Variants in FPR1 observed in about 807,000 individuals in gnomAD.
FPR1 encodes N-formyl peptide receptor 1.
For missense variants in FPR1, 407 were observed against 453.0 expected, an observed-to-expected ratio of 0.90 and a Z score of 0.92; for synonymous variants, 193 against 176.7, an observed-to-expected ratio of 1.09 and a Z score of -0.73.
chr19:51,748,112 C>T (rs2083759579), intron 1 of FPR1, among the ~76,000 whole-genome samples: 1 of 152,076 alleles, frequency 6.6e-6, no homozygotes, highest in South Asian at 2.1e-4. Context: ...TATGATTGAG[C>T]CACTGCACTC....
intron 1 of FPR1, among the ~76,000 whole-genome samples, chr19:51,747,221 C>CTTTTT (rs55849683): frequency 0.022 from 3,058 of 141,444 alleles, 102 homozygotes; most frequent in African/African-American, 0.07. Context: ...AAGATTACAT[C>CTTTTT]TTTTTTTTTT....
chr19:51,747,076 GC>G, intron 1 of FPR1, 71 bp from the exon 2 acceptor site: 1 of 1,167,946 alleles, frequency 8.6e-7, no homozygotes, highest in Non-Finnish European at 1.2e-6. Context: ...CCTCATTTCT[GC>G]CCCTGCCAGT....
At chr19:51,750,638 T>C (rs1466427309) in intron 1 of FPR1, 2 of 152,196 alleles carry the variant, frequency 1.3e-5, no homozygotes, top group Admixed American at 1.3e-4. Flanking sequence ...GATTCTGCAA[T>C]AATGAGCTGG....
chr19:51,748,968 G>A (rs57071021), intron 1 of FPR1, among the ~76,000 whole-genome samples: 35,756 of 151,950 alleles, frequency 0.24, 5,051 homozygotes, highest in East Asian at 0.4. Context: ...TGTAATCCCA[G>A]TACCTTGGGA....
At position 51,746,013 on chromosome 19, in the gene FPR1, A is replaced by G; in HGVS notation, c.982T>C (p.Ser328Pro). 6.2e-7 allele frequency: 1 copy of G among 1,614,154 alleles called. No homozygotes were observed. The highest frequency in any genetic ancestry group is 1.7e-5 in the Admixed American group (1 of 60,016). ...ASLERALTED[S>P]TQTSDTATNS... is the part of the protein sequence containing the mutation. ...GTAGCTGTGTCACTGGTTTGGGTTG[A>G]GTCCTCGGTCAGGGCCCTCTCCAGA... is the stretch of plus-strand genomic sequence containing the variant. The change falls in exon 2 of 2, where the codon TCA becomes CCA. Residue 328 changes from serine (S) to proline (P), a missense_variant. Ser to Pro is a moderately conservative substitution (Grantham distance 74). Transcript: ENST00000304748. The surrounding 1 kb of genome is among the most constrained non-coding windows in gnomAD (Gnocchi z 4.3).
chr19:51,750,060 G>A (rs954130690), intron 1 of FPR1: 1 of 152,126 alleles, frequency 6.6e-6, no homozygotes, highest in Non-Finnish European at 1.5e-5. Flanking sequence ...TGCAGACGAG[G>A]AAAGTGCGAC....
Position 51,745,785 on chromosome 19 carries a change from T to C in FPR1, c.*157A>G. 1.5e-6 allele frequency: 1 copy of C among 652,600 alleles called. No homozygotes were observed. Among genetic ancestry groups the C allele is most frequent in the Non-Finnish European group, 2.7e-6 (1 of 374,280 alleles). 40.4% of individuals were successfully genotyped at this position (652,600 alleles called of 1,614,324 possible). ...AAGAAGTCAATAATAAACTCATATCTGTTTATTCTCCCCAAATCAGGGGAC... is the reference window on the plus strand; with the variant it reads ...AAGAAGTCAATAATAAACTCATATCCGTTTATTCTCCCCAAATCAGGGGAC... On this transcript the variant is annotated 3_prime_UTR_variant, in exon 2 of 2. Transcript: ENST00000304748.
chr19:51,747,025 G>A lies in FPR1; in HGVS notation c.-11-20C>T. The A allele has an allele frequency of 6.5e-7, 1 of 1,539,518 alleles. No individual in the cohort carries two copies. The highest frequency in any genetic ancestry group is 8.9e-7 in the Non-Finnish European group (1 of 1,125,696). On this transcript the variant is annotated intron_variant, in intron 1 of 1. Transcript: ENST00000304748. The stretch of plus-strand genomic sequence containing the variant: ...CTGCTCCTGAAATAGTGCAGTCGTG[G>A]TCATTCCTCAGTTATGAACCTCCGT...
At chr19:51,750,963 T>C (rs1336017060) in intron 1 of FPR1, among the ~76,000 whole-genome samples, 2 of 152,190 alleles carry the variant, frequency 1.3e-5, no homozygotes, top group East Asian at 3.8e-4. Context: ...AGAACCAGTG[T>C]CTTCACGTGG....
chr19:51,747,454 G>A lies in FPR1; in HGVS notation c.-11-449C>T, dbSNP rs574688311. Reference sequence around the variant, plus strand: ...GCTGGTCTTGAACTGCTGACCCCAGGTGATCCACCCACCTCAGCCTCCCAA... The same window carrying A: ...GCTGGTCTTGAACTGCTGACCCCAGATGATCCACCCACCTCAGCCTCCCAA... On this transcript the variant is annotated intron_variant, in intron 1 of 1. Transcript: ENST00000304748. 3.3e-5 allele frequency among the ~76,000 whole-genome samples: 5 copies of A among 152,220 alleles called. No individual in the cohort carries two copies. In the South Asian group the frequency reaches 8.3e-4, roughly 25 times the overall value.
rs769779151 is a variant in FPR1 at position 51,745,905 on chromosome 19, G to A, written c.*37C>T. ...GCCTAACTCAAGGTGAGACGAAGCT[G>A]GAGCTGGGAGCTCGAAAGTGTCCCC... On this transcript the variant is annotated 3_prime_UTR_variant, in exon 2 of 2. Transcript: ENST00000304748. 1 of 1,558,544 alleles carries A rather than the reference G, an allele frequency of 6.4e-7. No individual in the cohort carries two copies. The highest frequency in any genetic ancestry group is 8.8e-7 in the Non-Finnish European group (1 of 1,135,176).
At chr19:51,750,181 G>A (rs928251428) in intron 1 of FPR1, 1 of 152,182 alleles carries the variant, frequency 6.6e-6, no homozygotes, top group Non-Finnish European at 1.5e-5. Context: ...CAGAAGAGCT[G>A]TCTAATGCAC....
Position 51,746,069 on chromosome 19 carries a change from C to T in FPR1, c.926G>A (p.Arg309Gln), listed in dbSNP as rs555690623. ...GGGAAGGGCGTGGATCAGCCTCTCC[C>T]GGAAGTCCTGGCCCATGAAGACATA... ...MLYVFMGQDFRERLIHALPAS... is the reference protein window; with the variant it reads ...MLYVFMGQDFQERLIHALPAS... The change falls in exon 2 of 2, where the codon CGG (arginine) becomes CAG (glutamine). Residue 309 changes from arginine (R) to glutamine (Q), a missense_variant. By Grantham distance (43) the Arg-to-Gln change is conservative. Coordinates refer to ENST00000304748, the MANE Select transcript of FPR1 (RefSeq NM_002029.4). The surrounding 1 kb of genome is among the most constrained non-coding windows in gnomAD (Gnocchi z 4.3). The T allele has an allele frequency of 2.2e-5, 35 of 1,614,194 alleles. 1 individual carries two copies. Among genetic ancestry groups the T allele is most frequent in the East Asian group, 1.1e-4 (5 of 44,870 alleles).
intron 1 of FPR1, among the ~76,000 whole-genome samples, chr19:51,751,125 C>T (rs1198321824): frequency 1.3e-5 from 2 of 152,186 alleles, no homozygotes; most frequent in South Asian, 2.1e-4. Context: ...AAGCTGATGC[C>T]CTTGCCTCTT....
chr19:51,749,570 G>A (rs922561866), intron 1 of FPR1, among the ~76,000 whole-genome samples: 1 of 152,134 alleles, frequency 6.6e-6, no homozygotes, highest in Non-Finnish European at 1.5e-5. Flanking sequence ...ATATGTATTG[G>A]ATATGACATT....
chr19:51,747,392 A>G (rs1291482072), intron 1 of FPR1, among the ~76,000 whole-genome samples: 1 of 151,886 alleles, frequency 6.6e-6, no homozygotes, highest in Non-Finnish European at 1.5e-5. Flanking sequence ...TAATTTTCGT[A>G]TATTTAGTAG....
Position 51,746,618 on chromosome 19 carries a change from C to A in FPR1, c.377G>T (p.Cys126Phe). Reference sequence around the variant, plus strand: ...CTGGGTCCAGACTGGATGCAGGACGCAAACACAGCGGTCCAGAGCAATGAG... The same window carrying A: ...CTGGGTCCAGACTGGATGCAGGACGAAAACACAGCGGTCCAGAGCAATGAG... ...IALIALDRCV[C>F]VLHPVWTQNH... Residue 126 changes from cysteine to phenylalanine, a missense_variant, in exon 2 of 2, where the codon TGC becomes TTC. Coordinates refer to ENST00000304748, the MANE Select transcript of FPR1 (RefSeq NM_002029.4). The surrounding 1 kb of genome is among the most constrained non-coding windows in gnomAD (Gnocchi z 4.3). The A allele has an allele frequency of 1.9e-6, 3 of 1,614,096 alleles. No individual in the cohort carries two copies. The highest frequency in any genetic ancestry group is 2.5e-6 in the Non-Finnish European group (3 of 1,180,012).
At chr19:51,747,806 T>C (rs2122326702) in intron 1 of FPR1, among the ~76,000 whole-genome samples, 1 of 152,242 alleles carries the variant, frequency 6.6e-6, no homozygotes, top group East Asian at 1.9e-4. Context: ...GAAGCACTGA[T>C]ATATGCTACA....
rs779937505 is a variant in FPR1 at position 51,746,280 on chromosome 19, G to A, written c.715C>T (p.Pro239Ser). The A allele has an allele frequency of 3.7e-6, 6 of 1,614,038 alleles. No homozygotes were observed. In the South Asian group the frequency reaches 6.6e-5, roughly 18 times the overall value. ...GCGACAAAGGAGAGGACCCGTAAGG[G>A]ACGACTGGACTTAATCAAGCCTTGC... ...HKQGLIKSSR[P>S]LRVLSFVAAA... Residue 239 changes from proline (P) to serine (S), a missense_variant, in exon 2 of 2, where the codon CCC becomes TCC. Physicochemically the swap from Pro to Ser is moderately conservative, Grantham distance 74. Transcript: ENST00000304748. The surrounding 1 kb of genome is among the most constrained non-coding windows in gnomAD (Gnocchi z 4.3).
Sources: gnomAD v4.1 joint callset for allele counts (sites outside exome capture counted in the v4.1 genomes callset) on GRCh38, gnomAD v4.1.1 for gene constraint, Gnocchi (gnomAD v3.1) non-coding constraint, MANE v1.5 for transcripts, NCBI Gene and HGNC (gene_info 2026-07-23, HGNC 2026-07-21) for gene names.